The following ATG10 variants were observed in gnomAD, a reference collection of about 807,000 sequenced individuals.
The protein encoded by ATG10 is autophagy related 10, also known as ubiquitin-like-conjugating enzyme ATG10.
ATG10 carries 30 observed loss-of-function variants against 32.1 expected under a neutral mutation model. That is an observed-to-expected ratio of 0.94 (90% CI 0.70 to 1.27). The LOEUF (loss-of-function observed/expected upper bound fraction) is 1.27. ATG10 is among the 50% of genes most tolerant of loss of function. ATG10 has a pLI of 0.00. For missense variants in ATG10, 233 were observed against 262.3 expected (o/e 0.89, Z 0.77); for synonymous variants, 87 against 91.5 (o/e 0.95, Z 0.28).
intron 5 of ATG10, among the ~76,000 whole-genome samples, chr5:82,202,068 A>G (rs1437313391): frequency 6.6e-6 from 1 of 152,166 alleles, no homozygotes; most frequent in Non-Finnish European, 1.5e-5. Flanking sequence ...ACAATTGAAG[A>G]CAGTTTTGCT....
At chr5:82,253,650 G>A (rs1747352088) in intron 7 of ATG10, among the ~76,000 whole-genome samples, 1 of 152,182 alleles carries the variant, frequency 6.6e-6, no homozygotes, top group Non-Finnish European at 1.5e-5. Context: ...CAGGAGGTGA[G>A]CGGCAGCTGG....
intron 3 of ATG10, among the ~76,000 whole-genome samples, chr5:82,160,288 G>A (rs559281596): frequency 3.9e-5 from 6 of 152,156 alleles, no homozygotes; most frequent in Non-Finnish European, 8.8e-5. Context: ...ATAACTTTTG[G>A]AGATTGACTT....
intron 2 of ATG10, among the ~76,000 whole-genome samples, chr5:81,988,524 C>T (rs1375324362): frequency 2.0e-5 from 3 of 151,352 alleles, no homozygotes; most frequent in Non-Finnish European, 4.4e-5. Flanking sequence ...ATCTCCACCT[C>T]CTGGGTTCAA....
intron 3 of ATG10, among the ~76,000 whole-genome samples, chr5:82,065,348 G>A (rs1763909562): frequency 1.3e-5 from 2 of 152,038 alleles, no homozygotes; most frequent in South Asian, 4.1e-4. Context: ...AATTAGCTGG[G>A]CGTGGTGGCA....
intron 2 of ATG10, among the ~76,000 whole-genome samples, chr5:82,013,185 G>A (rs1376771266): frequency 1.3e-5 from 2 of 151,992 alleles, no homozygotes; most frequent in East Asian, 1.9e-4. Context: ...CTGGTCTTGG[G>A]TGTGATCTGC....
At chr5:82,004,285 G>T (rs1561249945) in intron 2 of ATG10, among the ~76,000 whole-genome samples, 1 of 152,196 alleles carries the variant, frequency 6.6e-6, no homozygotes, top group Admixed American at 6.5e-5. Flanking sequence ...TACTACCTGA[G>T]CCTAGTGATC....
At chr5:81,993,195 C>T (rs1450545243) in intron 2 of ATG10, among the ~76,000 whole-genome samples, 1 of 152,026 alleles carries the variant, frequency 6.6e-6, no homozygotes, top group East Asian at 1.9e-4. Context: ...TTTTCTTTAT[C>T]TGTAAAGTAG....
chr5:82,244,092 A>T (rs1367228626), intron 5 of ATG10, among the ~76,000 whole-genome samples: 1 of 152,172 alleles, frequency 6.6e-6, no homozygotes, highest in Non-Finnish European at 1.5e-5. Flanking sequence ...GTGTATAAAA[A>T]GGTCTGAAAG....
chr5:82,086,236 A>G (rs1175763787), intron 3 of ATG10, among the ~76,000 whole-genome samples: 1 of 152,228 alleles, frequency 6.6e-6, no homozygotes, highest in African/African-American at 2.4e-5. Flanking sequence ...TAAAAGCTAC[A>G]TATTTTAATA....
chr5:81,981,694 T>C (rs1761052031), intron 1 of ATG10, among the ~76,000 whole-genome samples: 1 of 152,244 alleles, frequency 6.6e-6, no homozygotes, highest in African/African-American at 2.4e-5. Context: ...AATTCAGTTA[T>C]ATTTCTTATA....
Position 82,049,560 on chromosome 5 carries a change from T to TA in ATG10, c.109-8924dup, listed in dbSNP as rs889716776. ...AAACTTAAAGTATAATAATAATAAATAAAAAAAAAAAGAAAACTAACTTCT... is the reference window on the plus strand; with the variant it reads ...AAACTTAAAGTATAATAATAATAAATAAAAAAAAAAAAGAAAACTAACTTCT... On this transcript the variant is annotated intron_variant, in intron 2 of 7. Transcript: ENST00000282185. Among the ~76,000 whole-genome samples the TA allele has an allele frequency of 7.7e-4, 109 of 141,164 alleles. 1 individual carries two copies. Among genetic ancestry groups the TA allele is most frequent in the Non-Finnish European group, 7.8e-4 (50 of 64,248 alleles). The allele number at this position is 141,164 out of a possible 152,430, so 92.6% of individuals were successfully genotyped here.
intron 6 of ATG10, chr5:82,252,861 T>G (rs1477031492): frequency 1.2e-5 from 6 of 521,482 alleles, no homozygotes; most frequent in Non-Finnish European, 1.7e-5. Context: ...TCCTATGTGC[T>G]AAGTACTATT....
At chr5:81,995,317 T>A (rs894812907) in intron 2 of ATG10, among the ~76,000 whole-genome samples, 7 of 151,998 alleles carry the variant, frequency 4.6e-5, no homozygotes, top group African/African-American at 1.7e-4. Context: ...TATTATTATT[T>A]TTTTTGGTAG....
intron 3 of ATG10, among the ~76,000 whole-genome samples, chr5:82,138,843 CT>C: frequency 6.8e-4 from 1 of 1,468 alleles, no homozygotes; most frequent in Non-Finnish European, 3.1e-3. Flanking sequence ...CGAGCTCTCC[CT>C]CCCCCTCCCC....
At position 82,164,456 on chromosome 5, in the gene ATG10, G is replaced by A. The variant is rs767240044; in HGVS notation, c.274G>A (p.Glu92Lys). Residue 92 changes from glutamate (E) to lysine (K), a missense_variant, in exon 4 of 8, where the codon GAA (glutamate) becomes AAA (lysine). Glu to Lys is a moderately conservative substitution (Grantham distance 56). Transcript: ENST00000282185. ...AGTGATTGAAACTGCAGCAGCGTCC[G>A]AAGTGATTAAATATGAGTATCATGT... The part of the protein sequence containing the change: ...CEVIETAAAS[E>K]VIKYEYHVLY... 15 of 1,613,684 alleles carry A rather than the reference G, an allele frequency of 9.3e-6. No homozygotes were observed. Among genetic ancestry groups the A allele is most frequent in the South Asian group, 3.3e-5 (3 of 91,074 alleles).
Position 82,123,542 on chromosome 5 carries a change from A to G in ATG10, c.217-40857A>G, listed in dbSNP as rs116369432. ...ATAAAAGTAAAAAAAAAAAAAGCAT[A>G]ATTAGATGGGTCCTTTACAAAGCTG... On this transcript the variant is annotated intron_variant, in intron 3 of 7. Transcript: ENST00000282185. 8.4e-3 allele frequency among the ~76,000 whole-genome samples: 1,275 copies of G among 151,918 alleles called. 14 individuals are homozygous for G. The highest frequency in any genetic ancestry group is 0.029 in the African/African-American group (1,200 of 41,428).
At chr5:82,018,175 C>A (rs1450659754) in intron 2 of ATG10, among the ~76,000 whole-genome samples, 1 of 152,198 alleles carries the variant, frequency 6.6e-6, no homozygotes, top group Non-Finnish European at 1.5e-5. Context: ...TGTTCACCTA[C>A]TACCACCCAA....
chr5:82,021,092 A>G (rs866620811), intron 2 of ATG10, among the ~76,000 whole-genome samples: 2 of 152,176 alleles, frequency 1.3e-5, no homozygotes, highest in Non-Finnish European at 2.9e-5. Flanking sequence ...TTTTTTTAAT[A>G]ACCCTGGTTT....
At chr5:82,077,445 C>T (rs1244551628) in intron 3 of ATG10, among the ~76,000 whole-genome samples, 2 of 152,130 alleles carry the variant, frequency 1.3e-5, no homozygotes, top group Non-Finnish European at 2.9e-5. Flanking sequence ...GAGAAACTAG[C>T]ATTTGTAATA....
Sources: allele counts gnomAD v4.1 joint callset (sites outside exome capture counted in the v4.1 genomes callset), GRCh38; gene constraint gnomAD v4.1.1; transcripts MANE v1.5; gene names NCBI Gene and HGNC (gene_info 2026-07-23, HGNC 2026-07-21).